Variants in SLC1A2 observed in about 807,000 individuals in gnomAD.
SLC1A2 encodes the protein solute carrier family 1 member 2, also known as excitatory amino acid transporter 2.
SLC1A2 carries 15 observed loss-of-function variants against 48.8 expected under a neutral mutation model. The observed-to-expected ratio is 0.31, with a 90% CI of 0.21 to 0.47. The LOEUF is 0.47. SLC1A2 is among the 20% of genes least tolerant of loss of function. The pLI is 0.99. For missense variants in SLC1A2, 502 were observed against 730.5 expected (o/e 0.69, Z 3.61); for synonymous variants, 279 against 272.6 (o/e 1.02, Z -0.23).
At chr11:35,311,821 A>G (rs1851696356) in intron 4 of SLC1A2, among the ~76,000 whole-genome samples, 1 of 150,266 alleles carries the variant, frequency 6.7e-6, no homozygotes, top group Non-Finnish European at 1.5e-5. Flanking sequence ...CAACTCAAAG[A>G]CACATTTCCC....
chr11:35,352,857 C>A (rs950372285), intron 1 of SLC1A2, among the ~76,000 whole-genome samples: 2 of 152,122 alleles, frequency 1.3e-5, no homozygotes, highest in African/African-American at 2.4e-5. Flanking sequence ...GAGGTTTGAG[C>A]AGGAAGCAAG....
Position 35,312,190 on chromosome 11 carries a change from T to C in SLC1A2, c.561+8A>G, listed in dbSNP as rs2134870077. The C allele has an allele frequency of 1.2e-6, 2 of 1,613,854 alleles. No homozygotes were observed. The highest frequency in any genetic ancestry group is 1.7e-4 in the Middle Eastern group (1 of 6,060). On this transcript the variant is annotated splice_region_variant and intron_variant, in intron 4 of 10. Transcript: ENST00000278379. ...TGGAGAAGAGAGAACATCTGAACTC[T>C]GGGTTACCTGTTGAAAGCAGGCTTG...
chr11:35,331,328 GA>G (rs1852418523), intron 1 of SLC1A2, among the ~76,000 whole-genome samples: 1 of 152,166 alleles, frequency 6.6e-6, no homozygotes. Context: ...CCTCCCAGAG[GA>G]CTTGTGCAGT....
At chr11:35,345,009 C>G (rs1852976580) in intron 1 of SLC1A2, among the ~76,000 whole-genome samples, 1 of 152,082 alleles carries the variant, frequency 6.6e-6, no homozygotes, top group Non-Finnish European at 1.5e-5. Flanking sequence ...GAGCACGTAA[C>G]TGAGAAATAT....
chr11:35,341,267 C>G (rs114089977), intron 1 of SLC1A2, among the ~76,000 whole-genome samples: 1 of 151,970 alleles, frequency 6.6e-6, no homozygotes, highest in African/African-American at 2.4e-5. Context: ...GACTTAAGAT[C>G]GAGGAAAGTG....
At chr11:35,414,621 A>T (rs1245755302) in intron 1 of SLC1A2, among the ~76,000 whole-genome samples, 2 of 152,194 alleles carry the variant, frequency 1.3e-5, no homozygotes, top group Admixed American at 1.3e-4. Flanking sequence ...CTTTCTATGA[A>T]GCATCCTGCC....
At chr11:35,307,974 T>C (rs1032586095) in intron 4 of SLC1A2, among the ~76,000 whole-genome samples, 3 of 152,010 alleles carry the variant, frequency 2.0e-5, no homozygotes, top group Admixed American at 6.6e-5. Context: ...CTGGGCAACA[T>C]TGGTGTGAAG....
At chr11:35,322,895 T>C (rs573076580) in intron 1 of SLC1A2, 1 of 618,658 alleles carries the variant, frequency 1.6e-6, no homozygotes, top group African/African-American at 1.8e-5. Context: ...ACTCTAAGAC[T>C]TTCTGGCATT....
intron 1 of SLC1A2, among the ~76,000 whole-genome samples, chr11:35,356,856 T>A (rs1853489469): frequency 6.6e-6 from 1 of 152,254 alleles, no homozygotes; most frequent in South Asian, 2.1e-4. Flanking sequence ...AACACATTAT[T>A]TAAGTATTGT....
intron 1 of SLC1A2, among the ~76,000 whole-genome samples, chr11:35,337,956 G>T (rs1409890198): frequency 2.0e-5 from 3 of 152,074 alleles, no homozygotes; most frequent in Non-Finnish European, 2.9e-5. Context: ...ATTATCCTTA[G>T]TATAGCATAA....
chr11:35,385,893 C>A (rs370660920), intron 1 of SLC1A2, among the ~76,000 whole-genome samples: 1 of 152,118 alleles, frequency 6.6e-6, no homozygotes, highest in Non-Finnish European at 1.5e-5. Flanking sequence ...GTTGGCCCGG[C>A]GCGGTGGCTC....
chr11:35,309,016 G>C (rs1414462557), intron 4 of SLC1A2, among the ~76,000 whole-genome samples: 1 of 152,030 alleles, frequency 6.6e-6, no homozygotes, highest in Non-Finnish European at 1.5e-5. Context: ...TTTCTTTTCT[G>C]AACATTATAA....
chr11:35,387,646 T>C (rs1158612346), intron 1 of SLC1A2, among the ~76,000 whole-genome samples: 1 of 152,194 alleles, frequency 6.6e-6, no homozygotes, highest in Non-Finnish European at 1.5e-5. Flanking sequence ...TTGTGAATGT[T>C]GAATTACTGA....
At chr11:35,356,059 A>G (rs1040496088) in intron 1 of SLC1A2, among the ~76,000 whole-genome samples, 2 of 152,190 alleles carry the variant, frequency 1.3e-5, no homozygotes, top group African/African-American at 4.8e-5. Context: ...TACATGGTGC[A>G]TGGCCAACTG....
At chr11:35,401,375 C>A (rs1458947674) in intron 1 of SLC1A2, among the ~76,000 whole-genome samples, 1 of 152,170 alleles carries the variant, frequency 6.6e-6, no homozygotes, top group Non-Finnish European at 1.5e-5. Flanking sequence ...ACTTTGATTT[C>A]TTTCAGGGCC....
intron 1 of SLC1A2, among the ~76,000 whole-genome samples, chr11:35,319,248 A>G (rs925195070): frequency 1.3e-5 from 2 of 152,210 alleles, no homozygotes; most frequent in Non-Finnish European, 2.9e-5. Flanking sequence ...TTCATTTTAC[A>G]ACACAGCAGG....
chr11:35,393,409 G>T (rs1397622174), intron 1 of SLC1A2, among the ~76,000 whole-genome samples: 1 of 152,180 alleles, frequency 6.6e-6, no homozygotes, highest in Non-Finnish European at 1.5e-5. Context: ...GAAGACACAG[G>T]CCAGCCCAGC....
chr11:35,315,148 C>A lies in SLC1A2; in HGVS notation c.185G>T (p.Gly62Val), dbSNP rs752435409. Residue 62 changes from glycine (G) to valine (V), a missense_variant, in exon 3 of 11, where the codon GGG becomes GTG. Physicochemically the swap from Gly to Val is moderately radical, Grantham distance 109. Around this residue, in one of 4 missense-constraint regions of SLC1A2, gnomAD observed 89 missense variants for 119.7 expected, o/e 0.74. Coordinates refer to ENST00000278379, the MANE Select transcript of SLC1A2 (RefSeq NM_004171.4). ...GATGGGAGATGCCAAGCGAAGAAGCCCTCCACACACTGCTCCCAGGATGAC... is the reference window on the plus strand; with the variant it reads ...GATGGGAGATGCCAAGCGAAGAAGCACTCCACACACTGCTCCCAGGATGAC... ...FGVILGAVCG[G>V]LLRLASPIHP... is the part of the protein sequence containing the mutation. 6 of 1,613,528 alleles carry A rather than the reference C, an allele frequency of 3.7e-6. No homozygotes were observed. Among genetic ancestry groups the A allele is most frequent in the South Asian group, 3.3e-5 (3 of 91,054 alleles).
rs140776868 is a variant in SLC1A2, at chr11:35,359,733, CA to C, written c.18-42218del. 8.9e-3 allele frequency among the ~76,000 whole-genome samples: 1,352 copies of C among 152,360 alleles called. 17 individuals are homozygous for C. Among genetic ancestry groups the C allele is most frequent in the African/African-American group, 0.031 (1,285 of 41,584 alleles). The stretch of plus-strand genomic sequence containing the variant: ...CATGCAGAGACCTGTGCATTTTATT[CA>C]GCATCCTAAGATGTTTCAGAAACCA... On this transcript the variant is annotated intron_variant, in intron 1 of 10. Coordinates refer to ENST00000278379, the MANE Select transcript of SLC1A2 (RefSeq NM_004171.4).
Sources: allele counts gnomAD v4.1 joint callset (sites outside exome capture counted in the v4.1 genomes callset), GRCh38; gene constraint gnomAD v4.1.1; regional missense constraint gnomAD v4.1.1; transcripts MANE v1.5; gene names NCBI Gene and HGNC (gene_info 2026-07-23, HGNC 2026-07-21).